IARS1: variants seen among roughly 807,000 people sequenced by gnomAD.
IARS1 encodes the protein isoleucyl-tRNA synthetase 1.
In IARS1, 124 loss-of-function variants were observed where a neutral mutation model predicts 168.2. The ratio of observed to expected loss-of-function variants is 0.74; its 90% CI spans 0.64 to 0.86. IARS1 has a LOEUF of 0.86. Ranked by LOEUF, IARS1 falls within the 40% of genes least tolerant of loss-of-function variation. The probability of loss-of-function intolerance (pLI) is 0.00; values close to 1 mark genes in which losing one functional copy is unlikely to be tolerated. For synonymous variants in IARS1, 532 were observed against 529.4 expected (o/e 1.00, Z -0.07); for missense variants, 1,452 against 1,515.8 (o/e 0.96, Z 0.70).
At chr9:92,288,568 A>T (rs1241870686) in intron 2 of IARS1, among the ~76,000 whole-genome samples, 1 of 152,166 alleles carries the variant, frequency 6.6e-6, no homozygotes, top group East Asian at 1.9e-4. Flanking sequence ...CATCAGTAAA[A>T]TAGGGCAATA....
chr9:92,217,950 A>G (rs1171789495), intron 33 of IARS1, among the ~76,000 whole-genome samples: 2 of 152,176 alleles, frequency 1.3e-5, no homozygotes, highest in East Asian at 3.9e-4. Context: ...CTGATACCAA[A>G]GCCAGGCAGA....
At chr9:92,219,007 C>T (rs547916183) in intron 33 of IARS1, among the ~76,000 whole-genome samples, 160 of 152,266 alleles carry the variant, frequency 1.1e-3, no homozygotes, top group African/African-American at 3.6e-3. Flanking sequence ...CATCACACTA[C>T]CTGACTTCAA....
At chr9:92,248,498 C>G (rs534661423) in intron 25 of IARS1, among the ~76,000 whole-genome samples, 3 of 151,360 alleles carry the variant, frequency 2.0e-5, no homozygotes, top group African/African-American at 7.3e-5. Context: ...CATGGCAAAA[C>G]CCCATCTCTA....
intron 31 of IARS1, among the ~76,000 whole-genome samples, chr9:92,227,959 C>T (rs1425665536): frequency 2.6e-5 from 4 of 152,330 alleles, no homozygotes; most frequent in South Asian, 4.1e-4. Context: ...GCTGCAATCT[C>T]GGCACTTTGG....
At chr9:92,288,355 C>A in intron 2 of IARS1, 73 bp from the exon 3 acceptor site, 1 of 1,287,104 alleles carries the variant, frequency 7.8e-7, no homozygotes, top group Non-Finnish European at 1.1e-6. Context: ...ATAGATAGCT[C>A]TTGTCATAGT....
intron 31 of IARS1, among the ~76,000 whole-genome samples, chr9:92,227,832 G>A (rs2133456440): frequency 6.6e-6 from 1 of 151,878 alleles, no homozygotes. Flanking sequence ...GCCGGGCAGA[G>A]ACGCTCCTCA....
At chr9:92,273,266 A>G (rs1200322950) in intron 10 of IARS1, among the ~76,000 whole-genome samples, 1 of 152,210 alleles carries the variant, frequency 6.6e-6, no homozygotes, top group Middle Eastern at 3.2e-3. Flanking sequence ...ACTAGTTCCT[A>G]AAACTCTTAA....
intron 18 of IARS1, among the ~76,000 whole-genome samples, chr9:92,259,741 T>C (rs1349325503): frequency 6.6e-6 from 1 of 152,198 alleles, no homozygotes; most frequent in Non-Finnish European, 1.5e-5. Flanking sequence ...AGCTTTTCAA[T>C]ATGAGTTTTT....
At chr9:92,214,725 A>G in intron 33 of IARS1, among the ~76,000 whole-genome samples, 1 of 152,142 alleles carries the variant, frequency 6.6e-6, no homozygotes, top group South Asian at 2.1e-4. Context: ...GGCTTAAAAA[A>G]CGGCGCACCA....
chr9:92,214,632 C>T (rs956797907), intron 33 of IARS1, among the ~76,000 whole-genome samples: 12 of 152,194 alleles, frequency 7.9e-5, no homozygotes, highest in African/African-American at 2.9e-4. Flanking sequence ...TCAGGGAGTT[C>T]CCTTTCCGAG....
chr9:92,290,356 G>C (rs754908364), intron 1 of IARS1, among the ~76,000 whole-genome samples: 1 of 152,134 alleles, frequency 6.6e-6, no homozygotes, highest in Non-Finnish European at 1.5e-5. Context: ...ATCCACGTTG[G>C]ATAGATATTT....
At position 92,277,906 on chromosome 9, in the gene IARS1, A is replaced by T; in HGVS notation, c.851T>A (p.Leu284His). 6.2e-7 allele frequency: 1 copy of T among 1,613,904 alleles called. No homozygotes were observed. The highest frequency in any genetic ancestry group is 1.1e-5 in the South Asian group (1 of 91,058). The change falls in exon 9 of 34, where the codon CTT (leucine) becomes CAT (histidine). Residue 284 changes from leucine to histidine, a missense_variant. Leu to His is a moderately conservative substitution (Grantham distance 99). Transcript: ENST00000443024. ...EILERFPGAY[L>H]KGKKYRPLFD... ...CAGGGGCCTGTACTTCTTGCCTTTA[A>T]GATAGGCACCAGGAAATCTAGAAAA...
rs750537974 is a variant in IARS1 at position 92,274,507 on chromosome 9, G to C, written c.909C>G (p.Gly303=). 4 of 1,613,156 alleles carry C rather than the reference G, an allele frequency of 2.5e-6. No homozygotes were observed. The highest frequency in any genetic ancestry group is 3.4e-6 in the Non-Finnish European group (4 of 1,179,210). The part of the protein sequence containing the change: ...FDYFLKCKEN[G]AFTVLVDNYV... ...AGTTGTCAACAAGCACAGTGAAAGC[G>C]CCATTCTCTTTACACTGGAAAGAAA... Residue 303 remains glycine, a synonymous_variant, in exon 10 of 34, where the codon GGC becomes GGG. Transcript: ENST00000443024.
At position 92,252,818 on chromosome 9, in the gene IARS1, G is replaced by A. The variant is rs1236596261; in HGVS notation, c.2229+544C>T. On this transcript the variant is annotated intron_variant, in intron 21 of 33. Transcript: ENST00000443024. ...AAAAAGACATGACTAATGGGTAGTG[G>A]GAGCCTTCATTGGGCCTGCAGTAAA... Among the ~76,000 whole-genome samples, 13 of 143,444 alleles carry A rather than the reference G, an allele frequency of 9.1e-5. 1 individual carries two copies. The East Asian group carries it at 2.7e-3, about 29-fold the overall frequency. 94.1% of individuals were successfully genotyped at this position (143,444 alleles called of 152,430 possible).
In IARS1 at chr9:92,217,071, G is replaced by C. The variant is rs1205135385; in HGVS notation, c.3706+5449C>G. Among the ~76,000 whole-genome samples, 24 of 148,000 alleles carry C rather than the reference G, an allele frequency of 1.6e-4. 1 individual carries two copies. Among genetic ancestry groups the C allele is most frequent in the African/African-American group, 5.7e-4 (23 of 40,560 alleles). On this transcript the variant is annotated intron_variant, in intron 33 of 33. Coordinates refer to ENST00000443024, the MANE Select transcript of IARS1 (RefSeq NM_002161.6). ...AAAAGAACAGAAATTATAACAAACT[G>C]TCTCTCAGACCACAGTGCAATCAAA...
chr9:92,268,734 C>T (rs1832635361), intron 13 of IARS1, among the ~76,000 whole-genome samples: 1 of 152,164 alleles, frequency 6.6e-6, no homozygotes, highest in African/African-American at 2.4e-5. Context: ...TCTGGTCATC[C>T]TTGGTCTTGA....
chr9:92,265,025 T>C lies in IARS1; in HGVS notation c.1604A>G (p.Tyr535Cys), dbSNP rs556894010. The part of the protein sequence containing the change: ...DCWFESGSMP[Y>C]AQVHYPFENK... The stretch of plus-strand genomic sequence containing the variant: ...TTCAAACGGGTAATGAACCTGAGCA[T>C]AGGGCATGCTGCCACTCTCAAACCA... Residue 535 changes from tyrosine (Y) to cysteine (C), a missense_variant, in exon 16 of 34, where the codon TAT becomes TGT. Coordinates refer to ENST00000443024, the MANE Select transcript of IARS1 (RefSeq NM_002161.6). The C allele has an allele frequency of 9.9e-6, 16 of 1,614,122 alleles. No homozygotes were observed. In the East Asian group the frequency reaches 1.6e-4, roughly 16 times the overall value.
At chr9:92,264,627 C>T (rs1165745497) in intron 16 of IARS1, among the ~76,000 whole-genome samples, 2 of 152,146 alleles carry the variant, frequency 1.3e-5, no homozygotes, top group Non-Finnish European at 2.9e-5. Flanking sequence ...AATGATCTGA[C>T]GTAAGCTAAG....
chr9:92,287,987 C>T, intron 3 of IARS1, 77 bp from the exon 4 acceptor site: 2 of 1,568,994 alleles, frequency 1.3e-6, no homozygotes, highest in African/African-American at 1.4e-5. Context: ...GAAAACAAAA[C>T]AAATCAAACT....
Sources: allele counts gnomAD v4.1 joint callset (sites outside exome capture counted in the v4.1 genomes callset), GRCh38; gene constraint gnomAD v4.1.1; transcripts MANE v1.5; gene names NCBI Gene and HGNC (gene_info 2026-07-23, HGNC 2026-07-21).